VRK2: variants seen among roughly 807,000 people sequenced by gnomAD.
The protein encoded by VRK2 is VRK serine/threonine kinase 2.
VRK2 carries 60 observed loss-of-function variants against 57.6 expected under a neutral mutation model. The observed-to-expected ratio is 1.04, with a 90% CI of 0.85 to 1.29. The LOEUF is 1.29. Ranked by LOEUF, VRK2 falls within the 50% of genes most tolerant of loss-of-function variation. The pLI, the probability that VRK2 is intolerant of heterozygous loss-of-function variation, is 0.00. For synonymous variants in VRK2, 231 were observed against 199.2 expected, an observed-to-expected ratio of 1.16 and a Z score of -1.35; for missense variants, 705 against 588.1, an observed-to-expected ratio of 1.20 and a Z score of -2.06.
intron 1 of VRK2, among the ~76,000 whole-genome samples, chr2:57,917,150 A>G (rs1262407079): frequency 1.3e-5 from 2 of 152,182 alleles, no homozygotes; most frequent in African/African-American, 4.8e-5. Context: ...TAATCCATGT[A>G]TCTAGCTGGC....
intron 1 of VRK2, among the ~76,000 whole-genome samples, chr2:58,022,166 G>T (rs745810006): frequency 6.6e-6 from 1 of 152,186 alleles, no homozygotes; most frequent in African/African-American, 2.4e-5. Context: ...ATGAGGTCAG[G>T]CTCACAAAAT....
At chr2:57,931,823 T>A (rs1670735562) in intron 1 of VRK2, among the ~76,000 whole-genome samples, 1 of 151,968 alleles carries the variant, frequency 6.6e-6, no homozygotes, top group African/African-American at 2.4e-5. Flanking sequence ...TCTTTTTTTT[T>A]TTTTTTGGTA....
Position 57,929,351 on chromosome 2 carries a change from T to A in VRK2, c.-439+21512T>A, listed in dbSNP as rs78775927. ...CAAGGCCACCACTGCCTTAGGCCTA[T>A]GGTGAGTACTGCCTAACCACCACCA... On this transcript the variant is annotated intron_variant, in intron 1 of 15. Transcript: ENST00000417641. Among the ~76,000 whole-genome samples, 977 of 152,292 alleles carry A rather than the reference T, an allele frequency of 6.4e-3. 6 individuals are homozygous for A. The highest frequency in any genetic ancestry group is 8.1e-3 in the Non-Finnish European group (553 of 68,014).
chr2:57,972,584 A>G (rs1194482555), intron 1 of VRK2, among the ~76,000 whole-genome samples: 1 of 151,888 alleles, frequency 6.6e-6, no homozygotes, highest in Middle Eastern at 3.2e-3. Flanking sequence ...TACGCCATGA[A>G]TTCAATACAG....
intron 1 of VRK2, among the ~76,000 whole-genome samples, chr2:58,007,217 CCTCTCT>C (rs34855177): frequency 9.2e-5 from 13 of 141,508 alleles, no homozygotes; most frequent in African/African-American, 2.3e-4. Flanking sequence ...TCTCTCTCTC[CCTCTCT>C]CTCTCTCTCT....
At chr2:57,928,833 G>T (rs534955759) in intron 1 of VRK2, among the ~76,000 whole-genome samples, 23 of 152,148 alleles carry the variant, frequency 1.5e-4, no homozygotes, top group Non-Finnish European at 2.6e-4. Context: ...GGTGGTCTTG[G>T]ATAAGATCCA....
intron 2 of VRK2, chr2:58,058,251 A>T (rs192049611): frequency 2.3e-6 from 1 of 433,954 alleles, no homozygotes; most frequent in South Asian, 1.7e-5. Context: ...TAAAAGTGTC[A>T]TTCTATTTAA....
intron 9 of VRK2, among the ~76,000 whole-genome samples, chr2:58,132,573 AGT>A (rs1171497263): frequency 2.0e-5 from 3 of 152,206 alleles, no homozygotes; most frequent in Non-Finnish European, 4.4e-5. Flanking sequence ...CCTAAGAAAA[AGT>A]CAATTGCATA....
At chr2:57,962,033 C>T (rs973910255) in intron 1 of VRK2, among the ~76,000 whole-genome samples, 32 of 152,090 alleles carry the variant, frequency 2.1e-4, no homozygotes, top group African/African-American at 6.5e-4. Flanking sequence ...GCCGTGATTG[C>T]GCCACTGCAC....
intron 7 of VRK2, among the ~76,000 whole-genome samples, chr2:58,115,570 G>A (rs181772246): frequency 1.4e-3 from 208 of 152,268 alleles, no homozygotes; most frequent in Non-Finnish European, 2.3e-3. Context: ...AAGGCTACAC[G>A]GTGTGGTCCT....
intron 1 of VRK2, among the ~76,000 whole-genome samples, chr2:57,955,901 A>T (rs1179400708): frequency 6.6e-6 from 1 of 152,178 alleles, no homozygotes; most frequent in Non-Finnish European, 1.5e-5. Context: ...GTTTTTCACC[A>T]TTGGGAAGAT....
chr2:58,089,832 T>G, intron 7 of VRK2, 109 bp downstream of exon 7: 1 of 704,032 alleles, frequency 1.4e-6, no homozygotes. Context: ...CGTAACATGA[T>G]GAATGTTGTA....
intron 1 of VRK2, among the ~76,000 whole-genome samples, chr2:57,933,099 T>C (rs1390099030): frequency 6.6e-6 from 1 of 152,098 alleles, no homozygotes; most frequent in Non-Finnish European, 1.5e-5. Flanking sequence ...CGATATGACC[T>C]ATTCTGCAGA....
upstream of VRK2, among the ~76,000 whole-genome samples, chr2:58,045,889 G>A (rs1186657247): frequency 6.6e-6 from 1 of 152,030 alleles, no homozygotes; most frequent in South Asian, 2.1e-4. Context: ...TGCTGCCCAG[G>A]CTGGGGTGCA....
intron 7 of VRK2, among the ~76,000 whole-genome samples, chr2:58,093,066 A>T (rs1227518468): frequency 3.3e-5 from 5 of 152,160 alleles, no homozygotes; most frequent in Non-Finnish European, 7.3e-5. Context: ...TCTATCATTG[A>T]TGCACATTTG....
chr2:58,123,174 C>G lies in VRK2; in HGVS notation c.617C>G (p.Pro206Arg), dbSNP rs1677784554. ...AACCACAAACAGTATCAGGAAAATC[C>G]TAGAAAAGGCCATAATGGGACAATA... is the stretch of plus-strand genomic sequence containing the variant. The part of the protein sequence containing the change: ...NGNHKQYQEN[P>R]RKGHNGTIEF... Residue 206 changes from proline to arginine, a missense_variant, in exon 8 of 13, where the codon CCT becomes CGT. By Grantham distance (103) the Pro-to-Arg change is moderately radical. Coordinates refer to ENST00000340157, the MANE Select transcript of VRK2 (RefSeq NM_006296.7). 1 of 1,595,244 alleles carries G rather than the reference C, an allele frequency of 6.3e-7. No individual in the cohort carries two copies. Among genetic ancestry groups the G allele is most frequent in the African/African-American group, 1.4e-5 (1 of 73,074 alleles).
At chr2:58,005,555 A>T (rs1437137717) in intron 1 of VRK2, among the ~76,000 whole-genome samples, 1 of 152,160 alleles carries the variant, frequency 6.6e-6, no homozygotes, top group Non-Finnish European at 1.5e-5. Flanking sequence ...GGCCTAACTG[A>T]AGAAATGTTG....
At chr2:57,957,103 C>T (rs1191706778) in intron 1 of VRK2, among the ~76,000 whole-genome samples, 1 of 152,112 alleles carries the variant, frequency 6.6e-6, no homozygotes, top group African/African-American at 2.4e-5. Flanking sequence ...TATTGATGGT[C>T]TTTAATTCAT....
intron 2 of VRK2, among the ~76,000 whole-genome samples, chr2:58,029,601 T>A (rs1674050909): frequency 1.3e-5 from 2 of 152,150 alleles, no homozygotes; most frequent in Admixed American, 1.3e-4. Context: ...TTAGCCACAA[T>A]CATCTCTTAT....
Sources: allele counts gnomAD v4.1 joint callset (sites outside exome capture counted in the v4.1 genomes callset), GRCh38; gene constraint gnomAD v4.1.1; transcripts MANE v1.5; gene names NCBI Gene and HGNC (gene_info 2026-07-23, HGNC 2026-07-21).